The following GPAM variants were observed in gnomAD, a reference collection of about 807,000 sequenced individuals.
The protein encoded by GPAM is glycerol-3-phosphate acyltransferase 1, mitochondrial.
In GPAM, 56 loss-of-function variants were observed where a neutral mutation model predicts 105.0. That is an observed-to-expected ratio of 0.53 (90% CI 0.43 to 0.67). The LOEUF is 0.67. Among genes scored for constraint, GPAM ranks in the 30% least tolerant of loss-of-function variants. The pLI is 0.00. For missense variants in GPAM, 855 were observed against 989.8 expected, an observed-to-expected ratio of 0.86 and a Z score of 1.83; for synonymous variants, 368 against 354.4, an observed-to-expected ratio of 1.04 and a Z score of -0.43.
chr10:112,160,545 GT>G, intron 16 of GPAM, 58 bp downstream of exon 16: 3 of 1,493,788 alleles, frequency 2.0e-6, no homozygotes, highest in Non-Finnish European at 2.8e-6. Flanking sequence ...ACCACTATGT[GT>G]TTTAGGCCTT....
At position 112,153,428 on chromosome 10, in the gene GPAM, A is replaced by T; in HGVS notation, c.*122T>A. 6.3e-7 allele frequency: 1 copy of T among 1,594,442 alleles called. No homozygotes were observed. On this transcript the variant is annotated 3_prime_UTR_variant, in exon 22 of 22. Coordinates refer to ENST00000348367, the MANE Select transcript of GPAM (RefSeq NM_001244949.2). ...AGGGAGAAGGCACTTGTCTTCCAGGAGATCACTTCGGGACAGGGCAGGCCT... is the reference window on the plus strand; with the variant it reads ...AGGGAGAAGGCACTTGTCTTCCAGGTGATCACTTCGGGACAGGGCAGGCCT...
Position 112,158,390 on chromosome 10 carries a change from A to G in GPAM, c.1906T>C (p.Cys636Arg). 2 of 1,582,990 alleles carry G rather than the reference A, an allele frequency of 1.3e-6. No individual in the cohort carries two copies. The highest frequency in any genetic ancestry group is 2.2e-5 in the South Asian group (2 of 90,470). ...TGGCAGACTTGGTAAAATGTCTGGC[A>G]AGGCTGAAAAGAAAATTCATTTAAA... is the stretch of plus-strand genomic sequence containing the variant. ...LSNEGTISLP[C>R]QTFYQVCHET... The change falls in exon 18 of 22, where the codon TGC (cysteine) becomes CGC (arginine). Residue 636 changes from cysteine to arginine, a missense_variant. Physicochemically the swap from Cys to Arg is radical, Grantham distance 180. Transcript: ENST00000348367.
chr10:112,153,768 A>C (rs2133221490), intron 21 of GPAM, 102 bp from the exon 22 acceptor site: 1 of 1,338,528 alleles, frequency 7.5e-7, no homozygotes, highest in South Asian at 1.3e-5. Context: ...AGAAGGCAGT[A>C]AAGGCACAAA....
intron 1 of GPAM, among the ~76,000 whole-genome samples, chr10:112,203,789 G>A (rs1348103049): frequency 6.6e-6 from 1 of 152,208 alleles, no homozygotes; most frequent in African/African-American, 2.4e-5. Context: ...TGTCAGATAT[G>A]ATGCTGCGGT....
At chr10:112,177,906 C>A in intron 5 of GPAM, 78 bp downstream of exon 5, 1 of 772,950 alleles carries the variant, frequency 1.3e-6, no homozygotes, top group Non-Finnish European at 2.3e-6. Flanking sequence ...CAAAGCAATT[C>A]AGCTTAAAGT....
chr10:112,178,077 T>C lies in GPAM; in HGVS notation c.226-20A>G, dbSNP rs527676370. ...TTTGTCCTATATAAAACAAAGTAAA[T>C]GTAGACATAAATACACAACTAGATT... On this transcript the variant is annotated intron_variant, in intron 4 of 21. Coordinates refer to ENST00000348367, the MANE Select transcript of GPAM (RefSeq NM_001244949.2). 127 of 1,334,462 alleles carry C rather than the reference T, an allele frequency of 9.5e-5. No homozygotes were observed. The South Asian group carries it at 1.0e-3, about 10-fold the overall frequency. 82.7% of individuals were successfully genotyped at this position (1,334,462 alleles called of 1,614,324 possible).
chr10:112,173,098 T>A (rs1311396652), intron 7 of GPAM, 32 bp from the exon 8 acceptor site: 7 of 1,199,412 alleles, frequency 5.8e-6, no homozygotes, highest in Non-Finnish European at 8.7e-6. Flanking sequence ...AAAAACAACA[T>A]AAATGAACAC....
chr10:112,166,614 AG>A lies in GPAM; in HGVS notation c.1108-100del, dbSNP rs1278044790. The A allele has an allele frequency of 9.0e-6, 7 of 781,870 alleles. No individual in the cohort carries two copies. The Admixed American group carries it at 1.2e-4, about 14-fold the overall frequency. 48.4% of individuals were successfully genotyped at this position (781,870 alleles called of 1,614,324 possible). A position where few individuals can be genotyped will look rare whatever the true frequency, so the allele number is the denominator to read the frequency against. On this transcript the variant is annotated intron_variant, in intron 11 of 21. Transcript: ENST00000348367. ...AATAACTTGTTTTATGGAAACTGTA[AG>A]TTCATCTTGAAGAAGAACAATGAAT...
At chr10:112,202,962 AGGCT>A (rs1847815213) in intron 1 of GPAM, among the ~76,000 whole-genome samples, 1 of 152,200 alleles carries the variant, frequency 6.6e-6, no homozygotes, top group South Asian at 2.1e-4. Flanking sequence ...CCTTGGGTCT[AGGCT>A]GGGAGTCAGG....
intron 15 of GPAM, 76 bp downstream of exon 15, chr10:112,161,591 C>A: frequency 8.1e-7 from 1 of 1,228,124 alleles, no homozygotes; most frequent in Non-Finnish European, 1.2e-6. Context: ...CAAATCTGCC[C>A]CTGAGTATGT....
Position 112,161,714 on chromosome 10 carries a change from T to C in GPAM, c.1447A>G (p.Met483Val). The C allele has an allele frequency of 1.2e-6, 2 of 1,614,152 alleles. No individual in the cohort carries two copies. The highest frequency in any genetic ancestry group is 1.1e-5 in the South Asian group (1 of 91,082). Residue 483 changes from methionine (M) to valine (V), a missense_variant, in exon 15 of 22, where the codon ATG becomes GTG. Met to Val is a conservative substitution (Grantham distance 21). Coordinates refer to ENST00000348367, the MANE Select transcript of GPAM (RefSeq NM_001244949.2). ...LFTASKSCAI[M>V]STHIVACLLL... is the part of the protein sequence containing the mutation. ...AGGCAAGCCACAATGTGTGTGGACA[T>C]AATGGCACAGGACTTGCTAGCAGCT...
At chr10:112,160,134 G>A (rs1564674589) in intron 16 of GPAM, 81 bp from the exon 17 acceptor site, 1 of 1,327,030 alleles carries the variant, frequency 7.5e-7, no homozygotes, top group East Asian at 2.3e-5. Flanking sequence ...AACCTTAAGA[G>A]ATTATTAATA....
chr10:112,220,391 CA>C, the GPAM span, among the ~76,000 whole-genome samples: 1 of 141,298 alleles, frequency 7.1e-6, no homozygotes, highest in African/African-American at 2.7e-5. Context: ...AGGCAGTAGG[CA>C]AAATGGAACC....
intron 1 of GPAM, among the ~76,000 whole-genome samples, chr10:112,213,564 T>C (rs950903418): frequency 6.6e-6 from 1 of 151,912 alleles, no homozygotes; most frequent in African/African-American, 2.4e-5. Context: ...GGGCAATGGA[T>C]CAGGAAACAA....
At chr10:112,166,357 T>G (rs777713358) in intron 12 of GPAM, 45 bp downstream of exon 12, 1 of 1,035,986 alleles carries the variant, frequency 9.7e-7, no homozygotes, top group Non-Finnish European at 1.5e-6. Flanking sequence ...GCCTCCTGAC[T>G]CCAGGTAGAT....
chr10:112,152,803 G>A lies in GPAM; in HGVS notation c.*747C>T, dbSNP rs558590211. 3.9e-5 allele frequency: 21 copies of A among 544,758 alleles called. No individual in the cohort carries two copies. The highest frequency in any genetic ancestry group is 6.1e-5 in the African/African-American group (3 of 48,966). 33.7% of individuals were successfully genotyped at this position (544,758 alleles called of 1,614,324 possible). ...ATGGCACTTGTTTATATGAGCAAAA[G>A]CCTTCAACACCAGTTTTCTGGCCAA... is the stretch of plus-strand genomic sequence containing the variant. On this transcript the variant is annotated 3_prime_UTR_variant, in exon 22 of 22. Transcript: ENST00000348367.
At chr10:112,226,771 G>A in the GPAM span, among the ~76,000 whole-genome samples, 13 of 152,174 alleles carry the variant, frequency 8.5e-5, no homozygotes, top group African/African-American at 2.7e-4. Flanking sequence ...TGCTACTTGA[G>A]ATAGTAAGAG....
chr10:112,179,149 AAATT>A (rs1041494424), intron 4 of GPAM, among the ~76,000 whole-genome samples: 5 of 152,108 alleles, frequency 3.3e-5, no homozygotes, highest in Admixed American at 2.0e-4. Context: ...ATTTTTAAAC[AAATT>A]ATTTTAAATG....
the GPAM span, among the ~76,000 whole-genome samples, chr10:112,220,983 T>C: frequency 1.3e-5 from 2 of 152,080 alleles, no homozygotes; most frequent in Non-Finnish European, 2.9e-5. Context: ...TAATGAGAAG[T>C]AGTGGGGACT....
Sources: allele counts gnomAD v4.1 joint callset (sites outside exome capture counted in the v4.1 genomes callset), GRCh38; gene constraint gnomAD v4.1.1; transcripts MANE v1.5; gene names NCBI Gene and HGNC (gene_info 2026-07-23, HGNC 2026-07-21).